Variants in ELSPBP1 observed in about 807,000 individuals in gnomAD.
ELSPBP1 encodes the protein epididymal sperm binding protein 1, also known as epididymal sperm-binding protein 1.
In ELSPBP1, 38 loss-of-function variants were observed where a neutral mutation model predicts 33.3. The observed-to-expected ratio is 1.14, with a 90% CI of 0.88 to 1.50. The LOEUF (loss-of-function observed/expected upper bound fraction) is 1.50, where lower values mean the gene tolerates loss of function less well. Among genes scored for constraint, ELSPBP1 ranks in the 40% most tolerant of loss-of-function variants. The pLI is 0.00. For missense variants in ELSPBP1, 267 were observed against 263.5 expected (o/e 1.01, Z -0.09); for synonymous variants, 85 against 94.1 (o/e 0.90, Z 0.56).
intron 1 of ELSPBP1, among the ~76,000 whole-genome samples, chr19:48,002,586 T>C (rs1322913599): frequency 6.6e-6 from 1 of 151,554 alleles, no homozygotes; most frequent in Non-Finnish European, 1.5e-5. Context: ...GGGTCAGGAG[T>C]TCAAAACCAA....
intron 2 of ELSPBP1, 80 bp downstream of exon 2, chr19:48,008,817 A>G (rs1314729626): frequency 7.8e-7 from 1 of 1,280,064 alleles, no homozygotes; most frequent in African/African-American, 1.5e-5. Flanking sequence ...CCTGGAACTA[A>G]GTAGGCAGGA....
At chr19:48,012,623 T>G (rs1336636710) in intron 2 of ELSPBP1, among the ~76,000 whole-genome samples, 1 of 152,202 alleles carries the variant, frequency 6.6e-6, no homozygotes, top group Non-Finnish European at 1.5e-5. Context: ...TTCTGTTGTT[T>G]CTTGAGCAAA....
Position 48,015,953 on chromosome 19 carries a change from C to T in ELSPBP1, c.269C>T (p.Ser90Phe), listed in dbSNP as rs776957153. 5.6e-6 allele frequency: 9 copies of T among 1,613,864 alleles called. No homozygotes were observed. The Admixed American group carries it at 1.5e-4, about 27-fold the overall frequency. Residue 90 changes from serine (S) to phenylalanine (F), a missense_variant, in exon 4 of 7, where the codon TCC becomes TTC. By Grantham distance (155) the Ser-to-Phe change is radical. Coordinates refer to ENST00000339841, the MANE Select transcript of ELSPBP1 (RefSeq NM_022142.5). ...GGAAAGGCTTATAACAGCTGCATCT[C>T]CCAGGGCAGCTTCTTAGGCAGTCTG... Reference protein sequence around the residue: ...YRGKAYNSCISQGSFLGSLWC... With the variant: ...YRGKAYNSCIFQGSFLGSLWC...
intron 1 of ELSPBP1, among the ~76,000 whole-genome samples, chr19:48,000,501 A>T (rs1966956847): frequency 1.3e-5 from 2 of 152,148 alleles, no homozygotes; most frequent in South Asian, 4.1e-4. Context: ...GGCCTCCCAA[A>T]GTGCCGGGAT....
intron 4 of ELSPBP1, among the ~76,000 whole-genome samples, chr19:48,016,982 T>C (rs545851995): frequency 6.6e-6 from 1 of 152,284 alleles, no homozygotes; most frequent in East Asian, 1.9e-4. Context: ...TCATTGAATG[T>C]CCTCTCTGTC....
intron 1 of ELSPBP1, among the ~76,000 whole-genome samples, chr19:47,995,891 A>T (rs1280891825): frequency 6.6e-6 from 1 of 152,120 alleles, no homozygotes; most frequent in Non-Finnish European, 1.5e-5. Context: ...TTATCTTCTC[A>T]CCGCTCCACT....
At chr19:48,023,863 CTTT>C (rs1967241031) in intron 6 of ELSPBP1, among the ~76,000 whole-genome samples, 1 of 146,962 alleles carries the variant, frequency 6.8e-6, no homozygotes, top group African/African-American at 2.5e-5. Flanking sequence ...TTTTCTTTTT[CTTT>C]ATTTTATTTA....
Position 48,005,598 on chromosome 19 carries a change from G to T in ELSPBP1, c.-17-3053G>T, listed in dbSNP as rs181494934. ...GCTTGAAGGACATCTAGGTGGACAT[G>T]TCTGGGAGGCAGTTGAAAATACAGT... On this transcript the variant is annotated intron_variant, in intron 1 of 6. Coordinates refer to ENST00000339841, the MANE Select transcript of ELSPBP1 (RefSeq NM_022142.5). 2.6e-5 allele frequency among the ~76,000 whole-genome samples: 4 copies of T among 152,366 alleles called. No homozygotes were observed. In the East Asian group the frequency reaches 7.7e-4, roughly 29 times the overall value.
At chr19:48,000,304 G>A (rs1030453946) in intron 1 of ELSPBP1, among the ~76,000 whole-genome samples, 1 of 142,046 alleles carries the variant, frequency 7.0e-6, no homozygotes, top group African/African-American at 2.6e-5. Flanking sequence ...AGACTGGCAC[G>A]ATCTTGGCTC....
chr19:48,021,102 G>A (rs1482899424), intron 5 of ELSPBP1, among the ~76,000 whole-genome samples: 6 of 152,116 alleles, frequency 3.9e-5, no homozygotes, highest in Non-Finnish European at 8.8e-5. Flanking sequence ...CATCATTTAC[G>A]TCCTCATCTT....
In ELSPBP1 at chr19:48,015,984, C is replaced by G. The variant is rs3745751; in HGVS notation, c.300C>G (p.Cys100Trp). 0.066 allele frequency: 105,971 copies of G among 1,613,674 alleles called. 4,213 individuals carry two copies. The highest frequency in any genetic ancestry group is 0.18 in the African/African-American group (13,447 of 74,986). The change falls in exon 4 of 7, where the codon TGC becomes TGG. Residue 100 changes from cysteine to tryptophan, a missense_variant. Cys to Trp is a radical substitution (Grantham distance 215, BLOSUM62 -2). Coordinates refer to ENST00000339841, the MANE Select transcript of ELSPBP1 (RefSeq NM_022142.5). Reference protein sequence around the residue: ...SQGSFLGSLWCSVTSVFDEKQ... With the variant: ...SQGSFLGSLWWSVTSVFDEKQ... ...GCAGCTTCTTAGGCAGTCTGTGGTG[C>G]TCAGTCACCTCTGTCTTCGATGAGA...
At chr19:48,014,912 T>C (rs1305233475) in intron 3 of ELSPBP1, among the ~76,000 whole-genome samples, 3 of 152,192 alleles carry the variant, frequency 2.0e-5, no homozygotes, top group African/African-American at 7.2e-5. Flanking sequence ...CCCATCTTTA[T>C]GCCTTTCTTA....
chr19:48,023,847 T>G (rs1031305936), intron 6 of ELSPBP1, among the ~76,000 whole-genome samples: 5 of 151,346 alleles, frequency 3.3e-5, no homozygotes, highest in Non-Finnish European at 5.9e-5. Context: ...TCTTCTTTCT[T>G]TATTTTTTTC....
chr19:48,020,365 A>G (rs527371810), intron 5 of ELSPBP1, among the ~76,000 whole-genome samples: 1 of 152,280 alleles, frequency 6.6e-6, no homozygotes, highest in East Asian at 1.9e-4. Flanking sequence ...AAAAGGCTCA[A>G]ACATTTGGAA....
At chr19:48,010,090 A>C (rs1967061861) in intron 2 of ELSPBP1, among the ~76,000 whole-genome samples, 1 of 152,136 alleles carries the variant, frequency 6.6e-6, no homozygotes. Context: ...AACTGCAAGC[A>C]AGTCTGGGAG....
At position 48,011,353 on chromosome 19, in the gene ELSPBP1, CGAT is replaced by C. The variant is rs747621597; in HGVS notation, c.70+2630_70+2632del. On this transcript the variant is annotated intron_variant, in intron 2 of 6. Coordinates refer to ENST00000339841, the MANE Select transcript of ELSPBP1 (RefSeq NM_022142.5). The surrounding 1 kb of genome is among the most constrained non-coding windows in gnomAD (Gnocchi z 4.5). ...TGACTGATGATGATGACAATTATGA[CGAT>C]GATGATGATGATGGTGACAATGATG... is the stretch of plus-strand genomic sequence containing the variant. Among the ~76,000 whole-genome samples, 77 of 146,540 alleles carry C rather than the reference CGAT, an allele frequency of 5.3e-4. 1 individual carries two copies. Among genetic ancestry groups the C allele is most frequent in the Middle Eastern group, 4.3e-3 (1 of 230 alleles).
chr19:48,000,790 GA>G (rs1369502084), intron 1 of ELSPBP1, among the ~76,000 whole-genome samples: 1 of 152,182 alleles, frequency 6.6e-6, no homozygotes, highest in East Asian at 1.9e-4. Context: ...CCTGTTCCAG[GA>G]TGGCTGATTC....
intron 6 of ELSPBP1, among the ~76,000 whole-genome samples, chr19:48,023,175 GAGGGA>G (rs1967221273): frequency 7.2e-6 from 1 of 138,254 alleles, no homozygotes; most frequent in Non-Finnish European, 1.6e-5. Flanking sequence ...AGGAGGAAGG[GAGGGA>G]AGAAAGAACG....
At chr19:48,016,753 C>G (rs1366235302) in intron 4 of ELSPBP1, among the ~76,000 whole-genome samples, 2 of 151,754 alleles carry the variant, frequency 1.3e-5, no homozygotes, top group Non-Finnish European at 2.9e-5. Flanking sequence ...CGCCCACCAC[C>G]ACACCCAGCT....
Sources: gnomAD v4.1 joint callset for allele counts (sites outside exome capture counted in the v4.1 genomes callset) on GRCh38, gnomAD v4.1.1 for gene constraint, Gnocchi (gnomAD v3.1) non-coding constraint, MANE v1.5 for transcripts, NCBI Gene and HGNC (gene_info 2026-07-23, HGNC 2026-07-21) for gene names.